The following RAP1GDS1 variants were observed in gnomAD, a reference collection of about 807,000 sequenced individuals.
RAP1GDS1 encodes the protein Rap1 GTPase-GDP dissociation stimulator 1, also known as RAP1, GTP-GDP dissociation stimulator 1.
A neutral mutation model predicts 71.1 loss-of-function variants in RAP1GDS1; 35 were observed. That is an observed-to-expected ratio of 0.49 (90% CI 0.38 to 0.65). The LOEUF (loss-of-function observed/expected upper bound fraction) is 0.65. Ranked by LOEUF, RAP1GDS1 falls within the 30% of genes least tolerant of loss-of-function variation. The probability of loss-of-function intolerance (pLI) is 0.00; values close to 1 mark genes in which losing one functional copy is unlikely to be tolerated. For missense variants in RAP1GDS1, 663 were observed against 706.1 expected (o/e 0.94, Z 0.69); for synonymous variants, 229 against 243.1 (o/e 0.94, Z 0.54).
At chr4:98,291,882 G>A (rs1726992717) in intron 1 of RAP1GDS1, among the ~76,000 whole-genome samples, 1 of 151,960 alleles carries the variant, frequency 6.6e-6, no homozygotes, top group South Asian at 2.1e-4. Context: ...ATATTGTTTC[G>A]GCTTAGCAGG....
At chr4:98,361,666 A>G (rs1353168239) in intron 4 of RAP1GDS1, among the ~76,000 whole-genome samples, 3 of 152,204 alleles carry the variant, frequency 2.0e-5, no homozygotes, top group Non-Finnish European at 2.9e-5. Flanking sequence ...TGTCCATCAA[A>G]TGCTGGGCCA....
At chr4:98,364,720 TA>T (rs869099741) in intron 4 of RAP1GDS1, among the ~76,000 whole-genome samples, 193 of 145,660 alleles carry the variant, frequency 1.3e-3, no homozygotes, top group South Asian at 1.8e-3. Flanking sequence ...AAGCTTTATT[TA>T]AAAAAAAAAA....
chr4:98,355,385 C>A (rs1362095024), intron 4 of RAP1GDS1, among the ~76,000 whole-genome samples: 1 of 152,052 alleles, frequency 6.6e-6, no homozygotes, highest in Non-Finnish European at 1.5e-5. Context: ...CAGTTGATTT[C>A]CATTTTATTA....
At chr4:98,404,176 A>G (rs576710708) in intron 6 of RAP1GDS1, among the ~76,000 whole-genome samples, 59 of 152,278 alleles carry the variant, frequency 3.9e-4, no homozygotes, top group African/African-American at 1.3e-3. Context: ...AAAATATGTT[A>G]TGAGAAATTT....
At chr4:98,300,086 G>A (rs573685614) in intron 2 of RAP1GDS1, among the ~76,000 whole-genome samples, 40 of 152,250 alleles carry the variant, frequency 2.6e-4, no homozygotes, top group Admixed American at 7.2e-4. Context: ...AAATGCTATC[G>A]AACAGCATTG....
At chr4:98,431,292 A>G (rs560625805) in intron 12 of RAP1GDS1, among the ~76,000 whole-genome samples, 2 of 152,344 alleles carry the variant, frequency 1.3e-5, no homozygotes, top group East Asian at 3.9e-4. Flanking sequence ...CACCAACTCA[A>G]TGGCTATACC....
At chr4:98,317,796 C>T (rs763681606) in intron 2 of RAP1GDS1, among the ~76,000 whole-genome samples, 3 of 151,170 alleles carry the variant, frequency 2.0e-5, no homozygotes, top group Non-Finnish European at 4.4e-5. Flanking sequence ...GCTGTTACCT[C>T]AGCCCTGATA....
chr4:98,391,750 C>T (rs1313369911), intron 5 of RAP1GDS1, among the ~76,000 whole-genome samples: 2 of 152,040 alleles, frequency 1.3e-5, no homozygotes, highest in East Asian at 3.8e-4. Context: ...TTTGGTTATT[C>T]AAAGGATTCA....
chr4:98,352,646 A>G, intron 4 of RAP1GDS1, 45 bp downstream of exon 4: 1 of 1,600,070 alleles, frequency 6.2e-7, no homozygotes, highest in East Asian at 2.2e-5. Context: ...TTTAAGAATT[A>G]TGATATTCAG....
At chr4:98,324,899 A>G (rs1474671520) in intron 2 of RAP1GDS1, among the ~76,000 whole-genome samples, 5 of 152,192 alleles carry the variant, frequency 3.3e-5, no homozygotes, top group African/African-American at 9.7e-5. Context: ...AGCAATGGCA[A>G]CAAAAGCCAA....
chr4:98,307,854 G>T (rs1266567758), intron 2 of RAP1GDS1, among the ~76,000 whole-genome samples: 2 of 152,078 alleles, frequency 1.3e-5, no homozygotes, highest in Admixed American at 1.3e-4. Context: ...ACTGTATTGG[G>T]TTAAGCTTCC....
intron 2 of RAP1GDS1, among the ~76,000 whole-genome samples, chr4:98,337,405 A>G (rs910112337): frequency 6.6e-6 from 1 of 152,228 alleles, no homozygotes; most frequent in Non-Finnish European, 1.5e-5. Context: ...TCATCAACAT[A>G]TAACTTCTAA....
chr4:98,268,824 CAG>C (rs549805060), intron 1 of RAP1GDS1, among the ~76,000 whole-genome samples: 300 of 152,164 alleles, frequency 2.0e-3, no homozygotes, highest in African/African-American at 7.1e-3. Flanking sequence ...GAAAAATTAA[CAG>C]ATATCCCATA....
At chr4:98,319,266 G>T (rs1246254727) in intron 2 of RAP1GDS1, among the ~76,000 whole-genome samples, 1 of 152,006 alleles carries the variant, frequency 6.6e-6, no homozygotes, top group East Asian at 1.9e-4. Flanking sequence ...TCTTTTGAGT[G>T]GCTAACCTCT....
chr4:98,329,763 CG>C (rs1560847370), intron 2 of RAP1GDS1, among the ~76,000 whole-genome samples: 1 of 132,086 alleles, frequency 7.6e-6, no homozygotes, highest in Non-Finnish European at 1.5e-5. Flanking sequence ...CATTCCAGCC[CG>C]GGTGACAGTG....
chr4:98,302,521 A>G (rs1728709322), intron 2 of RAP1GDS1, among the ~76,000 whole-genome samples: 1 of 152,200 alleles, frequency 6.6e-6, no homozygotes, highest in Non-Finnish European at 1.5e-5. Flanking sequence ...ATTGGAATTC[A>G]GAAGAAGGAA....
At chr4:98,438,461 T>C (rs1684316955) in intron 14 of RAP1GDS1, among the ~76,000 whole-genome samples, 2 of 151,304 alleles carry the variant, frequency 1.3e-5, no homozygotes, top group East Asian at 1.9e-4. Flanking sequence ...ATGACTGATA[T>C]GGCTTAAGTG....
chr4:98,318,356 A>G (rs931039465), intron 2 of RAP1GDS1, among the ~76,000 whole-genome samples: 1 of 152,208 alleles, frequency 6.6e-6, no homozygotes, highest in African/African-American at 2.4e-5. Flanking sequence ...TTTCCGGTAC[A>G]TACATACTTG....
rs12650841 is a variant in RAP1GDS1 at position 98,319,080 on chromosome 4, G to C, written c.113-24059G>C. 4.1e-3 allele frequency among the ~76,000 whole-genome samples: 618 copies of C among 152,266 alleles called. 29 individuals carry two copies. In the East Asian group the frequency reaches 0.11, roughly 28 times the overall value. ...TGGATTAGGTGCCTCTGTACATTAA[G>C]TATGTTGTGGAATTTTTGTCAAAAT... On this transcript the variant is annotated intron_variant, in intron 2 of 14. Coordinates refer to ENST00000408927, the MANE Select transcript of RAP1GDS1 (RefSeq NM_001100427.2).
Sources: gnomAD v4.1 joint callset for allele counts (sites outside exome capture counted in the v4.1 genomes callset) on GRCh38, gnomAD v4.1.1 for gene constraint, MANE v1.5 for transcripts, NCBI Gene and HGNC (gene_info 2026-07-23, HGNC 2026-07-21) for gene names.